HPSE2: variants seen among roughly 807,000 people sequenced by gnomAD.
HPSE2 encodes the protein heparanase 2 (inactive).
In HPSE2, 38 loss-of-function variants were observed where a neutral mutation model predicts 60.5. That is an observed-to-expected ratio of 0.63 (90% CI 0.48 to 0.82). HPSE2 has a LOEUF of 0.82. Among genes scored for constraint, HPSE2 ranks in the 40% least tolerant of loss-of-function variants. The probability of loss-of-function intolerance (pLI) is 0.00; values close to 1 mark genes in which losing one functional copy is unlikely to be tolerated. For synonymous variants in HPSE2, 295 were observed against 293.2 expected, an observed-to-expected ratio of 1.01 and a Z score of -0.06; for missense variants, 713 against 740.4, an observed-to-expected ratio of 0.96 and a Z score of 0.43.
chr10:99,218,761 T>A (rs1051472714), intron 2 of HPSE2, among the ~76,000 whole-genome samples: 1 of 152,222 alleles, frequency 6.6e-6, no homozygotes, highest in African/African-American at 2.4e-5. Flanking sequence ...TTTCTAATAG[T>A]TTTAGGTTAC....
At chr10:99,151,701 T>C (rs1846270251) in intron 2 of HPSE2, among the ~76,000 whole-genome samples, 1 of 152,098 alleles carries the variant, frequency 6.6e-6, no homozygotes, top group South Asian at 2.1e-4. Flanking sequence ...AGCAGTAGAA[T>C]GACATTTACA....
chr10:99,018,522 G>A (rs549054053), intron 3 of HPSE2, among the ~76,000 whole-genome samples: 10 of 152,298 alleles, frequency 6.6e-5, no homozygotes, highest in African/African-American at 2.2e-4. Flanking sequence ...CCAGCATCCT[G>A]AGAGGCCAAT....
chr10:98,766,520 G>A (rs1248259600), intron 3 of HPSE2, among the ~76,000 whole-genome samples: 2 of 152,148 alleles, frequency 1.3e-5, no homozygotes, highest in Non-Finnish European at 2.9e-5. Context: ...TCATAAAAAT[G>A]TAACAAAAAT....
chr10:99,102,128 G>A (rs1382972759), intron 3 of HPSE2, among the ~76,000 whole-genome samples: 10 of 151,928 alleles, frequency 6.6e-5, no homozygotes, highest in Non-Finnish European at 1.3e-4. Context: ...AAATAACTAA[G>A]ATCAGAGCAG....
chr10:98,941,212 A>G (rs1289419750), intron 3 of HPSE2, among the ~76,000 whole-genome samples: 1 of 135,314 alleles, frequency 7.4e-6, no homozygotes, highest in Non-Finnish European at 1.5e-5. Flanking sequence ...TATTCAACAT[A>G]GTGTTGGAAG....
At chr10:99,285,129 A>C in the HPSE2 span, among the ~76,000 whole-genome samples, 1 of 151,994 alleles carries the variant, frequency 6.6e-6, no homozygotes, top group African/African-American at 2.4e-5. Flanking sequence ...GGCCCATTTA[A>C]ATTTTTTAAA....
At chr10:98,640,649 GT>G (rs1377729593) in intron 7 of HPSE2, among the ~76,000 whole-genome samples, 1 of 152,144 alleles carries the variant, frequency 6.6e-6, no homozygotes, top group Non-Finnish European at 1.5e-5. Context: ...GGGCCTACCT[GT>G]TATAATTTTT....
the HPSE2 span, among the ~76,000 whole-genome samples, chr10:99,276,951 G>A: frequency 8.5e-5 from 13 of 152,096 alleles, no homozygotes; most frequent in Non-Finnish European, 1.8e-4. Flanking sequence ...TCTGTCACCC[G>A]CTTAGAATAG....
At chr10:98,960,985 T>C (rs1370227992) in intron 3 of HPSE2, among the ~76,000 whole-genome samples, 3 of 84,684 alleles carry the variant, frequency 3.5e-5, no homozygotes, top group East Asian at 3.7e-4. Context: ...AGTGAGAATA[T>C]GCGGTGTTTG....
At chr10:99,101,999 A>C (rs866034630) in intron 3 of HPSE2, among the ~76,000 whole-genome samples, 16 of 152,328 alleles carry the variant, frequency 1.1e-4, no homozygotes, top group African/African-American at 2.6e-4. Flanking sequence ...GTAGAGGTAA[A>C]TTTATAGCAC....
At position 99,235,782 on chromosome 10, in the gene HPSE2, G is replaced by A; in HGVS notation, c.21C>T (p.Phe7=). 1 of 1,613,688 alleles carries A rather than the reference G, an allele frequency of 6.2e-7. No individual in the cohort carries two copies. The highest frequency in any genetic ancestry group is 8.5e-7 in the Non-Finnish European group (1 of 1,179,958). The change falls in exon 1 of 12, where the codon TTC becomes TTT. Residue 7 remains phenylalanine (F), a synonymous_variant. Coordinates refer to ENST00000370552, the MANE Select transcript of HPSE2 (RefSeq NM_021828.5). MRVLCA[F]PEAMPSSNSR... ...AGTTGCTGGAGGGCATGGCTTCAGGGAAGGCACAAAGCACCCTCATTCAAT... is the reference window on the plus strand; with the variant it reads ...AGTTGCTGGAGGGCATGGCTTCAGGAAAGGCACAAAGCACCCTCATTCAAT...
chr10:99,202,887 T>C (rs183150300), intron 2 of HPSE2, among the ~76,000 whole-genome samples: 1 of 152,208 alleles, frequency 6.6e-6, no homozygotes, highest in East Asian at 1.9e-4. Context: ...ATTTTACCCA[T>C]GTCACCCCTC....
intron 4 of HPSE2, among the ~76,000 whole-genome samples, chr10:98,727,505 G>T (rs1394086752): frequency 6.6e-6 from 1 of 151,994 alleles, no homozygotes; most frequent in African/African-American, 2.4e-5. Context: ...ATGAAAATTA[G>T]CTGGGCATGG....
chr10:98,663,717 G>A (rs1310551518), intron 6 of HPSE2, among the ~76,000 whole-genome samples: 1 of 152,148 alleles, frequency 6.6e-6, no homozygotes, highest in African/African-American at 2.4e-5. Context: ...AACCCCATGG[G>A]CCTCTAGACT....
intron 9 of HPSE2, among the ~76,000 whole-genome samples, chr10:98,520,030 T>C (rs1281521933): frequency 6.6e-6 from 1 of 152,166 alleles, no homozygotes; most frequent in Admixed American, 6.5e-5. Flanking sequence ...AAAATACCCG[T>C]CAGAGAAAGA....
chr10:98,956,767 T>C (rs889687854), intron 3 of HPSE2, among the ~76,000 whole-genome samples: 1 of 149,932 alleles, frequency 6.7e-6, no homozygotes, highest in Non-Finnish European at 1.5e-5. Flanking sequence ...CGTTGGAAAA[T>C]ATAGTTGCTC....
intron 3 of HPSE2, among the ~76,000 whole-genome samples, chr10:99,022,632 T>G (rs1449732094): frequency 6.6e-6 from 1 of 152,136 alleles, no homozygotes; most frequent in Non-Finnish European, 1.5e-5. Context: ...GGGAAGACTT[T>G]GTCTTGCATC....
intron 3 of HPSE2, among the ~76,000 whole-genome samples, chr10:99,060,317 A>C (rs747783846): frequency 6.5e-4 from 99 of 152,192 alleles, no homozygotes; most frequent in Non-Finnish European, 9.7e-4. Context: ...TCCTCCACAC[A>C]AGAACACTAA....
chr10:99,201,264 A>G (rs1848568003), intron 2 of HPSE2, among the ~76,000 whole-genome samples: 1 of 152,072 alleles, frequency 6.6e-6, no homozygotes, highest in Admixed American at 6.6e-5. Context: ...TTCCTTTGTA[A>G]TGAGTCCCTA....
Sources: allele counts gnomAD v4.1 joint callset (sites outside exome capture counted in the v4.1 genomes callset), GRCh38; gene constraint gnomAD v4.1.1; transcripts MANE v1.5; gene names NCBI Gene and HGNC (gene_info 2026-07-23, HGNC 2026-07-21).